The following TBC1D32 variants were observed in gnomAD, a reference collection of about 807,000 sequenced individuals.
TBC1D32 encodes the protein protein broad-minded.
TBC1D32 carries 151 observed loss-of-function variants against 170.3 expected under a neutral mutation model. That is an observed-to-expected ratio of 0.89 (90% CI 0.78 to 1.01). The LOEUF (loss-of-function observed/expected upper bound fraction) is 1.01, where lower values mean the gene tolerates loss of function less well. Among genes scored for constraint, TBC1D32 ranks in the 50% least tolerant of loss-of-function variants. The pLI is 0.00. For missense variants in TBC1D32, 1,464 were observed against 1,457.1 expected, an observed-to-expected ratio of 1.00 and a Z score of -0.08; for synonymous variants, 498 against 488.0, an observed-to-expected ratio of 1.02 and a Z score of -0.27.
chr6:121,091,741 T>C (rs1776823178), intron 30 of TBC1D32, among the ~76,000 whole-genome samples: 1 of 152,102 alleles, frequency 6.6e-6, no homozygotes, highest in Admixed American at 6.5e-5. Context: ...ATGTTATGGG[T>C]AAAGTTGAGC....
chr6:121,140,116 C>T (rs931397860), intron 24 of TBC1D32, among the ~76,000 whole-genome samples: 1 of 151,904 alleles, frequency 6.6e-6, no homozygotes, highest in African/African-American at 2.4e-5. Flanking sequence ...ATGGTCTTTA[C>T]CTAAGAGCAT....
rs140963511 is a variant in TBC1D32 at position 121,253,337 on chromosome 6, G to A, written c.2018+1991C>T. The stretch of plus-strand genomic sequence containing the variant: ...TTCTCAAAACGTACAAACAGCCAAC[G>A]AGCACTTGAAAAAAAATGTTCAACA... On this transcript the variant is annotated intron_variant, in intron 17 of 31. Coordinates refer to ENST00000398212, the MANE Select transcript of TBC1D32 (RefSeq NM_152730.6). 8.2e-3 allele frequency among the ~76,000 whole-genome samples: 1,237 copies of A among 151,542 alleles called. 11 individuals carry two copies. Among genetic ancestry groups the A allele is most frequent in the Non-Finnish European group, 0.014 (980 of 67,662 alleles).
chr6:121,196,051 G>C (rs1366515001), intron 22 of TBC1D32, among the ~76,000 whole-genome samples: 1 of 152,172 alleles, frequency 6.6e-6, no homozygotes, highest in Admixed American at 6.5e-5. Flanking sequence ...ACCTCTTTGA[G>C]TGGTCAAAAA....
chr6:121,306,860 A>C (rs1807393798), intron 5 of TBC1D32, among the ~76,000 whole-genome samples: 1 of 152,132 alleles, frequency 6.6e-6, no homozygotes, highest in Non-Finnish European at 1.5e-5. Flanking sequence ...ATTCACCTCA[A>C]ATTATTTTCT....
At chr6:121,173,305 T>C (rs1787318652) in intron 22 of TBC1D32, among the ~76,000 whole-genome samples, 1 of 152,124 alleles carries the variant, frequency 6.6e-6, no homozygotes, top group South Asian at 2.1e-4. Context: ...CCTTGCTCTT[T>C]GCAGGAGGAA....
intron 15 of TBC1D32, 79 bp downstream of exon 15, chr6:121,279,042 C>G: frequency 6.8e-7 from 1 of 1,462,198 alleles, no homozygotes; most frequent in Admixed American, 2.5e-5. Context: ...TTTTTTAGAT[C>G]ATTTAATATA....
intron 5 of TBC1D32, among the ~76,000 whole-genome samples, chr6:121,305,447 T>C (rs1008407090): frequency 1.3e-5 from 2 of 151,978 alleles, no homozygotes; most frequent in African/African-American, 4.8e-5. Flanking sequence ...TTATACCTAC[T>C]TTATTAATAT....
intron 20 of TBC1D32, among the ~76,000 whole-genome samples, chr6:121,228,174 A>G (rs1795295771): frequency 6.6e-6 from 1 of 152,040 alleles, no homozygotes; most frequent in South Asian, 2.1e-4. Context: ...TATTTTTGTC[A>G]TCAATCTAGT....
At chr6:121,162,397 G>C (rs1776817) in intron 22 of TBC1D32, among the ~76,000 whole-genome samples, 1 of 151,820 alleles carries the variant, frequency 6.6e-6, no homozygotes, top group Admixed American at 6.6e-5. Flanking sequence ...CTGAAGGAAC[G>C]TATCACAAAA....
intron 1 of TBC1D32, among the ~76,000 whole-genome samples, chr6:121,327,654 C>T (rs1810628444): frequency 6.6e-6 from 1 of 152,168 alleles, no homozygotes; most frequent in Non-Finnish European, 1.5e-5. Context: ...AAAATAAAGA[C>T]ATGCCCCAAC....
At chr6:121,159,873 T>A (rs966537799) in intron 24 of TBC1D32, 137 bp downstream of exon 24, 10 of 557,134 alleles carry the variant, frequency 1.8e-5, no homozygotes, top group Admixed American at 9.0e-5. Flanking sequence ...AGGAAAAAAA[T>A]ACAAAGAAAT....
chr6:121,229,975 G>A (rs2128339150), intron 20 of TBC1D32, among the ~76,000 whole-genome samples: 1 of 152,164 alleles, frequency 6.6e-6, no homozygotes, highest in African/African-American at 2.4e-5. Context: ...AGCCATGTAA[G>A]ATGTGTGCCT....
At chr6:121,112,464 A>G in intron 29 of TBC1D32, 41 bp downstream of exon 29, 7 of 1,541,740 alleles carry the variant, frequency 4.5e-6, no homozygotes, top group Non-Finnish European at 6.1e-6. Context: ...TAATGTTCTT[A>G]AAATTTCAAA....
At chr6:121,307,393 A>T (rs1807491382) in intron 5 of TBC1D32, among the ~76,000 whole-genome samples, 1 of 152,162 alleles carries the variant, frequency 6.6e-6, no homozygotes, top group Non-Finnish European at 1.5e-5. Flanking sequence ...AAAATGAAAC[A>T]AAAATAAAAT....
chr6:121,319,571 T>G (rs17083415), intron 2 of TBC1D32, among the ~76,000 whole-genome samples: 12,204 of 152,216 alleles, frequency 0.08, 825 homozygotes, highest in African/African-American at 0.18. Context: ...CCTTAAAACT[T>G]ATAATCTGGT....
At chr6:121,102,399 C>A (rs554999650) in intron 30 of TBC1D32, among the ~76,000 whole-genome samples, 102 of 152,152 alleles carry the variant, frequency 6.7e-4, no homozygotes, top group African/African-American at 2.0e-3. Flanking sequence ...AGACACAGAC[C>A]AATGGAACAG....
chr6:121,119,607 G>C (rs1562541999), intron 26 of TBC1D32, among the ~76,000 whole-genome samples: 1 of 151,944 alleles, frequency 6.6e-6, no homozygotes, highest in East Asian at 1.9e-4. Context: ...AATTACACTA[G>C]AAAAAAATTC....
chr6:121,226,041 C>A (rs78087709), intron 20 of TBC1D32, among the ~76,000 whole-genome samples: 1 of 151,970 alleles, frequency 6.6e-6, no homozygotes. Flanking sequence ...ATTTTTAAGA[C>A]TAAAGCATAA....
intron 21 of TBC1D32, among the ~76,000 whole-genome samples, chr6:121,206,977 C>T (rs988483292): frequency 1.3e-5 from 2 of 152,130 alleles, no homozygotes; most frequent in African/African-American, 2.4e-5. Context: ...CTATGACTTG[C>T]TCCAGCATCT....
Sources: gnomAD v4.1 joint callset for allele counts (sites outside exome capture counted in the v4.1 genomes callset) on GRCh38, gnomAD v4.1.1 for gene constraint, MANE v1.5 for transcripts, NCBI Gene and HGNC (gene_info 2026-07-23, HGNC 2026-07-21) for gene names.